The following ACSBG1 variants were observed in gnomAD, a reference collection of about 807,000 sequenced individuals.
ACSBG1 encodes the protein acyl-CoA synthetase bubblegum family member 1.
Under a neutral mutation model 80.2 loss-of-function variants are expected in ACSBG1, and 39 were observed. That is an observed-to-expected ratio of 0.49 (90% confidence interval 0.38 to 0.64). The LOEUF is 0.64. Among genes scored for constraint, ACSBG1 ranks in the 30% least tolerant of loss-of-function variants. The probability of loss-of-function intolerance (pLI) is 0.00; values close to 1 mark genes in which losing one functional copy is unlikely to be tolerated. For synonymous variants in ACSBG1, 392 were observed against 379.5 expected, an observed-to-expected ratio of 1.03 and a Z score of -0.38; for missense variants, 828 against 966.4, an observed-to-expected ratio of 0.86 and a Z score of 1.90.
intron 9 of ACSBG1, 64 bp from the exon 10 acceptor site, chr15:78,179,844 T>TACAC (rs1198359651): frequency 3.1e-6 from 2 of 647,562 alleles, no homozygotes; most frequent in Non-Finnish European, 4.4e-6. Flanking sequence ...CACACACACA[T>TACAC]ACACACATTA....
intron 2 of ACSBG1, among the ~76,000 whole-genome samples, chr15:78,203,620 A>G (rs542949136): frequency 6.6e-6 from 1 of 152,202 alleles, no homozygotes; most frequent in South Asian, 2.1e-4. Flanking sequence ...GCAGGCAGGG[A>G]GCTGTGTTCT....
intron 2 of ACSBG1, 85 bp downstream of exon 2, chr15:78,207,917 T>TC: frequency 2.3e-6 from 2 of 876,066 alleles, no homozygotes; most frequent in South Asian, 1.5e-5. Context: ...TGTGTGGTGG[T>TC]CCCCCACACC....
intron 1 of ACSBG1, among the ~76,000 whole-genome samples, chr15:78,222,865 T>C (rs1205020988): frequency 6.6e-6 from 1 of 152,208 alleles, no homozygotes; most frequent in Non-Finnish European, 1.5e-5. Flanking sequence ...CCAGTAAATA[T>C]ATCCTTGAAA....
chr15:78,185,547 T>C (rs548794087), intron 5 of ACSBG1, among the ~76,000 whole-genome samples: 2 of 152,178 alleles, frequency 1.3e-5, no homozygotes, highest in Non-Finnish European at 2.9e-5. Context: ...AAATCAAATA[T>C]ACATGTAATT....
At chr15:78,206,259 C>T (rs1045310225) in intron 2 of ACSBG1, among the ~76,000 whole-genome samples, 9 of 152,224 alleles carry the variant, frequency 5.9e-5, no homozygotes, top group Admixed American at 3.3e-4. Context: ...GGGCAGAGCA[C>T]TCAGTCCAGA....
At chr15:78,218,399 G>C (rs147469571) in intron 1 of ACSBG1, among the ~76,000 whole-genome samples, 45 of 152,238 alleles carry the variant, frequency 3.0e-4, no homozygotes, top group African/African-American at 1.0e-3. Flanking sequence ...AGGAGCCCAG[G>C]GTTTAAAGAG....
intron 5 of ACSBG1, among the ~76,000 whole-genome samples, chr15:78,192,599 G>C (rs982389048): frequency 6.6e-6 from 1 of 152,160 alleles, no homozygotes; most frequent in Non-Finnish European, 1.5e-5. Flanking sequence ...GGATTCTGGC[G>C]CTGCCCTGCT....
At chr15:78,199,702 G>T (rs2075149030) in intron 2 of ACSBG1, among the ~76,000 whole-genome samples, 1 of 141,956 alleles carries the variant, frequency 7.0e-6, no homozygotes, top group Admixed American at 7.2e-5. Context: ...TTGCTATGTT[G>T]CCCAGGCTGG....
At chr15:78,184,662 A>T (rs1595884357) in intron 5 of ACSBG1, among the ~76,000 whole-genome samples, 1 of 152,240 alleles carries the variant, frequency 6.6e-6, no homozygotes, top group East Asian at 1.9e-4. Context: ...TAACAGAAAT[A>T]TCAGTGTGAA....
At chr15:78,234,342 A>C (rs1166378940) in intron 1 of ACSBG1, 29 bp downstream of exon 1, 1 of 1,604,504 alleles carries the variant, frequency 6.2e-7, no homozygotes, top group Admixed American at 1.7e-5. Flanking sequence ...CCACAGGTGC[A>C]GTGTGCAGAA....
chr15:78,198,048 T>C (rs1232830562), intron 2 of ACSBG1, among the ~76,000 whole-genome samples: 5 of 152,194 alleles, frequency 3.3e-5, no homozygotes, highest in Non-Finnish European at 7.3e-5. Context: ...TTTCCTTTTT[T>C]TTGACATGGA....
chr15:78,197,281 T>A (rs912533341), intron 2 of ACSBG1, among the ~76,000 whole-genome samples: 2 of 152,040 alleles, frequency 1.3e-5, no homozygotes, highest in African/African-American at 4.8e-5. Flanking sequence ...ACAAGAGATC[T>A]TTTTGGGGTG....
chr15:78,176,655 T>A (rs1036664330), intron 11 of ACSBG1, among the ~76,000 whole-genome samples: 5 of 152,200 alleles, frequency 3.3e-5, no homozygotes, highest in African/African-American at 1.2e-4. Context: ...CTGGATGCAG[T>A]GGCTCACACC....
Position 78,167,584 on chromosome 15 carries a change from T to C in ACSBG1, c.*3860A>G, listed in dbSNP as rs60274620. 59 of 152,358 alleles carry C rather than the reference T, an allele frequency of 3.9e-4. No individual in the cohort carries two copies. In the East Asian group the frequency reaches 0.011, roughly 29 times the overall value. The allele number at this position is 152,358 out of a possible 1,614,324, so 9.4% of individuals were successfully genotyped here. ...AATGTTAAGTACATTCACATTGTAA[T>C]GTAACCATCACCATCAGTCATCTCC... On this transcript the variant is annotated 3_prime_UTR_variant, in exon 14 of 14. Coordinates refer to ENST00000258873, the MANE Select transcript of ACSBG1 (RefSeq NM_015162.5).
chr15:78,180,717 C>CT, intron 9 of ACSBG1, 38 bp downstream of exon 9: 1 of 1,598,822 alleles, frequency 6.3e-7, no homozygotes, highest in Non-Finnish European at 8.5e-7. Flanking sequence ...ACCCAGCCCA[C>CT]TCTCTCCCCA....
At chr15:78,224,962 T>A (rs1307045168) in intron 1 of ACSBG1, among the ~76,000 whole-genome samples, 1 of 149,940 alleles carries the variant, frequency 6.7e-6, no homozygotes, top group East Asian at 2.0e-4. Flanking sequence ...GCTACCAAAA[T>A]TTTGAACATA....
intron 1 of ACSBG1, among the ~76,000 whole-genome samples, chr15:78,230,830 G>GTAAA (rs1301881462): frequency 2.6e-5 from 4 of 152,096 alleles, no homozygotes; most frequent in Non-Finnish European, 2.9e-5. Context: ...TCTTTCTTTT[G>GTAAA]TAAACTTCCC....
At chr15:78,211,070 C>T (rs1485558652) in intron 1 of ACSBG1, among the ~76,000 whole-genome samples, 1 of 152,206 alleles carries the variant, frequency 6.6e-6, no homozygotes, top group Non-Finnish European at 1.5e-5. Flanking sequence ...ACTTAGGTTA[C>T]ATTGGGGGAC....
intron 5 of ACSBG1, among the ~76,000 whole-genome samples, chr15:78,184,044 T>G (rs1357436355): frequency 2.6e-5 from 4 of 152,164 alleles, no homozygotes; most frequent in Non-Finnish European, 5.9e-5. Flanking sequence ...GTTAGTAACA[T>G]AACCACACAC....
Sources: gnomAD v4.1 joint callset for allele counts (sites outside exome capture counted in the v4.1 genomes callset) on GRCh38, gnomAD v4.1.1 for gene constraint, MANE v1.5 for transcripts, NCBI Gene and HGNC (gene_info 2026-07-23, HGNC 2026-07-21) for gene names.